MROH1: variants seen among roughly 807,000 people sequenced by gnomAD.
MROH1 encodes the protein maestro heat-like repeat-containing protein family member 1.
In MROH1, 117 loss-of-function variants were observed where a neutral mutation model predicts 116.5. That is an observed-to-expected ratio of 1.00 (90% CI 0.86 to 1.17). The LOEUF is 1.17. Among genes scored for constraint, MROH1 ranks in the 50% most tolerant of loss-of-function variants. The pLI is 0.00. For missense variants in MROH1, 1,873 were observed against 1,338.5 expected, an observed-to-expected ratio of 1.40 and a Z score of -6.23; for synonymous variants, 921 against 583.9, an observed-to-expected ratio of 1.58 and a Z score of -8.32.
At position 144,221,053 on chromosome 8, in the gene MROH1, C is replaced by T. The variant is rs539116456; in HGVS notation, c.1215+380C>T. Among the ~76,000 whole-genome samples the T allele has an allele frequency of 4.1e-3, 623 of 152,268 alleles. 1 individual carries two copies. The highest frequency in any genetic ancestry group is 6.6e-3 in the Non-Finnish European group (451 of 68,020). On this transcript the variant is annotated intron_variant, in intron 13 of 43. Coordinates refer to ENST00000326134, the MANE Select transcript of MROH1 (RefSeq NM_032450.3). The stretch of plus-strand genomic sequence containing the variant: ...GTGCCTGGGACAGAATCCAGGAGGG[C>T]CCACACACAGAGCTCCCAGCCATCC...
intron 33 of MROH1, among the ~76,000 whole-genome samples, chr8:144,253,752 C>T (rs999355211): frequency 6.6e-6 from 1 of 152,014 alleles, no homozygotes; most frequent in African/African-American, 2.4e-5. Context: ...TTTATTTGGC[C>T]ATCCCTTGTG....
chr8:144,242,635 T>C lies in MROH1; in HGVS notation c.2352+7T>C. 2.6e-6 allele frequency: 2 copies of C among 779,620 alleles called. No homozygotes were observed. Among genetic ancestry groups the C allele is most frequent in the Non-Finnish European group, 4.8e-6 (2 of 417,400 alleles). 48.3% of individuals were successfully genotyped at this position (779,620 alleles called of 1,614,324 possible). On this transcript the variant is annotated splice_region_variant and intron_variant, in intron 24 of 43. Coordinates refer to ENST00000326134, the MANE Select transcript of MROH1 (RefSeq NM_032450.3). ...AATAAAGGTAGAAACCAAGGTACAG[T>C]GTGTAGGAATTAAGTGCTGGACTGG...
chr8:144,231,484 A>G (rs1554822879), intron 14 of MROH1, among the ~76,000 whole-genome samples: 1 of 152,026 alleles, frequency 6.6e-6, no homozygotes, highest in African/African-American at 2.4e-5. Context: ...TAATTGGACT[A>G]ATTTCATTAT....
chr8:144,259,498 C>T (rs1488395599), intron 37 of MROH1, 144 bp downstream of exon 37: 2 of 680,710 alleles, frequency 2.9e-6, no homozygotes, highest in East Asian at 2.7e-5. Flanking sequence ...TACCTCCTCC[C>T]CCATGCCAGA....
intron 12 of MROH1, among the ~76,000 whole-genome samples, chr8:144,211,548 A>AC (rs925380369): frequency 4.6e-5 from 7 of 150,668 alleles, no homozygotes; most frequent in African/African-American, 1.2e-4. Context: ...ACATGGTGAA[A>AC]CCCCCCTCCC....
rs1841542869 is a variant in MROH1, at chr8:144,244,447, C to G, written c.2674C>G (p.Leu892Val). 1.3e-6 allele frequency: 1 copy of G among 761,304 alleles called. No homozygotes were observed. The highest frequency in any genetic ancestry group is 1.8e-5 in the Admixed American group (1 of 56,596). The allele number at this position is 761,304 out of a possible 1,614,324, so 47.2% of individuals were successfully genotyped here. The change falls in exon 28 of 44, where the codon CTG (leucine) becomes GTG (valine). Residue 892 changes from leucine to valine, a missense_variant. By Grantham distance (32) the Leu-to-Val change is conservative. Coordinates refer to ENST00000326134, the MANE Select transcript of MROH1 (RefSeq NM_032450.3). ...KEEDGGCQKS[L>V]YLETLHALED... is the part of the protein sequence containing the mutation. ...GACGGCCTGGCTCTCCTTCCAGTCC[C>G]TGTATCTGGAGACACTGCACGCCCT...
chr8:144,259,913 G>A lies in MROH1; in HGVS notation c.4047G>A (p.Leu1349=), dbSNP rs947102742. The change falls in exon 38 of 44, where the codon CTG becomes CTA. Residue 1349 remains leucine (L), a splice_region_variant and synonymous_variant. Coordinates refer to ENST00000326134, the MANE Select transcript of MROH1 (RefSeq NM_032450.3). ...RVTTTAFLAE[L]LNSNVANDLM... ...AGTCACAGCACCTCTGCCTGCAGCTGCTGAACAGCAACGTGGCCAACGACC... is the reference window on the plus strand; with the variant it reads ...AGTCACAGCACCTCTGCCTGCAGCTACTGAACAGCAACGTGGCCAACGACC... 1.1e-5 allele frequency: 8 copies of A among 736,292 alleles called. No homozygotes were observed. Among genetic ancestry groups the A allele is most frequent in the Non-Finnish European group, 1.5e-5 (6 of 396,320 alleles). 45.6% of individuals were successfully genotyped at this position (736,292 alleles called of 1,614,324 possible).
At chr8:144,232,114 A>G (rs1564528983) in intron 14 of MROH1, among the ~76,000 whole-genome samples, 1 of 152,204 alleles carries the variant, frequency 6.6e-6, no homozygotes, top group Non-Finnish European at 1.5e-5. Context: ...AGGGTAAACT[A>G]TAGTCACCCT....
intron 2 of MROH1, among the ~76,000 whole-genome samples, chr8:144,162,012 A>ACTGCCCTC (rs911523597): frequency 1.3e-5 from 2 of 151,830 alleles, no homozygotes; most frequent in Non-Finnish European, 2.9e-5. Context: ...CCTGGGAGCC[A>ACTGCCCTC]CTGCCCTCTT....
chr8:144,221,489 AGG>A (rs1836727798), intron 13 of MROH1, among the ~76,000 whole-genome samples: 1 of 150,644 alleles, frequency 6.6e-6, no homozygotes, highest in Non-Finnish European at 1.5e-5. Flanking sequence ...TGCTTGCTAC[AGG>A]GGGAACAGAG....
chr8:144,246,289 A>G (rs1042952299), intron 29 of MROH1, among the ~76,000 whole-genome samples: 18 of 151,548 alleles, frequency 1.2e-4, no homozygotes, highest in Admixed American at 1.2e-3. Context: ...TTGTATTTTT[A>G]GTAGAGATGG....
At position 144,180,450 on chromosome 8, in the gene MROH1, ATCCG is replaced by A; in HGVS notation, c.493_496del (p.Val165Ter). ...CGTTCGGCGTAGTCCCCTTCCTGCC[ATCCG>A]TCCTGAGCTCCCTGCTGCCCGTGCT... On this transcript the variant is annotated frameshift_variant, in exon 7 of 44. Coordinates refer to ENST00000326134, the MANE Select transcript of MROH1 (RefSeq NM_032450.3). LOFTEE classifies it high-confidence loss of function. This position sits in a 1 kb window ranked among gnomAD's most constrained non-coding sequence, Gnocchi z 7.4. 6.2e-7 allele frequency: 1 copy of A among 1,613,000 alleles called. No individual in the cohort carries two copies. The highest frequency in any genetic ancestry group is 8.5e-7 in the Non-Finnish European group (1 of 1,179,784).
At chr8:144,162,595 C>T (rs1451654148) in intron 2 of MROH1, among the ~76,000 whole-genome samples, 6 of 151,642 alleles carry the variant, frequency 4.0e-5, no homozygotes, top group Admixed American at 3.3e-4. Context: ...TGGTGTGTCA[C>T]CATGTTGGCC....
At chr8:144,156,178 G>C (rs1200882183) in intron 1 of MROH1, among the ~76,000 whole-genome samples, 1 of 150,616 alleles carries the variant, frequency 6.6e-6, no homozygotes, top group Non-Finnish European at 1.5e-5. Flanking sequence ...TGGAGGTTGT[G>C]GTGAGCCGAG....
chr8:144,217,159 C>T (rs760906680), intron 12 of MROH1, among the ~76,000 whole-genome samples: 21 of 152,120 alleles, frequency 1.4e-4, no homozygotes, highest in African/African-American at 3.1e-4. Context: ...CTTAAAAAAA[C>T]GAAACAAAAT....
intron 12 of MROH1, chr8:144,213,270 C>T: frequency 6.5e-6 from 4 of 613,756 alleles, no homozygotes; most frequent in Non-Finnish European, 1.2e-5. Context: ...CTGTAGGTTC[C>T]GTGGGAAGAG....
intron 11 of MROH1, among the ~76,000 whole-genome samples, 152 bp from the exon 12 acceptor site, chr8:144,200,276 G>A (rs530586335): frequency 2.0e-5 from 3 of 152,292 alleles, no homozygotes; most frequent in South Asian, 2.1e-4. Flanking sequence ...CAGGGGCATC[G>A]GAGCCAGGCC....
chr8:144,157,133 T>C (rs1051084070), intron 1 of MROH1, among the ~76,000 whole-genome samples: 3 of 152,072 alleles, frequency 2.0e-5, no homozygotes, highest in African/African-American at 7.2e-5. Context: ...TTTTTTTGTA[T>C]TTTTAGTAGA....
At position 144,199,109 on chromosome 8, in the gene MROH1, G is replaced by A. The variant is rs752432648; in HGVS notation, c.949-13G>A. The A allele has an allele frequency of 1.2e-5, 19 of 1,613,014 alleles. No homozygotes were observed. Among genetic ancestry groups the A allele is most frequent in the Admixed American group, 1.0e-4 (6 of 59,892 alleles). Reference sequence around the variant, plus strand: ...CTCTCTGGTCTATAACCTCGGCCCCGTTCCTGGAGCAGATCTGTGTGCCTG... The same window carrying A: ...CTCTCTGGTCTATAACCTCGGCCCCATTCCTGGAGCAGATCTGTGTGCCTG... On this transcript the variant is annotated splice_polypyrimidine_tract_variant and intron_variant, in intron 10 of 43. Transcript: ENST00000326134.
Sources: gnomAD v4.1 joint callset for allele counts (sites outside exome capture counted in the v4.1 genomes callset) on GRCh38, gnomAD v4.1.1 for gene constraint, Gnocchi (gnomAD v3.1) non-coding constraint, MANE v1.5 for transcripts, NCBI Gene and HGNC (gene_info 2026-07-23, HGNC 2026-07-21) for gene names.